OPCML: variants seen among roughly 807,000 people sequenced by gnomAD.
OPCML encodes the protein opioid-binding protein/cell adhesion molecule.
In OPCML, 13 loss-of-function variants were observed where a neutral mutation model predicts 37.8. That is an observed-to-expected ratio of 0.34 (90% CI 0.22 to 0.55). The LOEUF is 0.55. Among genes scored for constraint, OPCML ranks in the 20% least tolerant of loss-of-function variants. The pLI, the probability that OPCML is intolerant of heterozygous loss-of-function variation, is 0.91. For synonymous variants in OPCML, 176 were observed against 168.8 expected (o/e 1.04, Z -0.33); for missense variants, 341 against 435.6 (o/e 0.78, Z 1.93).
intron 2 of OPCML, 30 bp from the exon 3 acceptor site, chr11:132,657,349 G>A: frequency 3.7e-6 from 6 of 1,610,648 alleles, no homozygotes; most frequent in Non-Finnish European, 5.1e-6. Flanking sequence ...GGTGGAGGGA[G>A]GAAGAAGGGA....
intron 1 of OPCML, among the ~76,000 whole-genome samples, chr11:132,976,676 T>C (rs1236154597): frequency 6.6e-6 from 1 of 152,204 alleles, no homozygotes; most frequent in Non-Finnish European, 1.5e-5. Context: ...TCACTTATAA[T>C]AACAGGATAA....
chr11:132,705,659 G>A (rs557743815), intron 2 of OPCML, among the ~76,000 whole-genome samples: 7 of 152,200 alleles, frequency 4.6e-5, no homozygotes, highest in African/African-American at 1.2e-4. Flanking sequence ...TGCTTTTGCC[G>A]TGTGACATGC....
chr11:133,162,262 G>A (rs982332244), intron 1 of OPCML, among the ~76,000 whole-genome samples: 2 of 152,102 alleles, frequency 1.3e-5, no homozygotes, highest in African/African-American at 2.4e-5. Flanking sequence ...TGAAATGGGC[G>A]ATATCCTTTG....
intron 1 of OPCML, among the ~76,000 whole-genome samples, chr11:133,388,924 C>T (rs751133045): frequency 6.6e-6 from 1 of 152,184 alleles, no homozygotes; most frequent in Non-Finnish European, 1.5e-5. Flanking sequence ...TCATTTGGCC[C>T]TCATATTAAG....
intron 2 of OPCML, among the ~76,000 whole-genome samples, chr11:132,769,743 G>A (rs759046432): frequency 6.6e-6 from 1 of 152,098 alleles, no homozygotes; most frequent in Non-Finnish European, 1.5e-5. Flanking sequence ...ATGCTTAAAG[G>A]TCGAAGCACC....
At chr11:133,426,091 T>C (rs978888507) in intron 1 of OPCML, among the ~76,000 whole-genome samples, 37 of 152,286 alleles carry the variant, frequency 2.4e-4, no homozygotes, top group Admixed American at 6.5e-4. Flanking sequence ...TTATTTTCCA[T>C]AGTATAGATT....
intron 3 of OPCML, among the ~76,000 whole-genome samples, chr11:132,576,982 A>G (rs1331232276): frequency 1.3e-5 from 2 of 152,122 alleles, no homozygotes; most frequent in Admixed American, 1.3e-4. Context: ...CCATTCAGGA[A>G]TGCTTGCATG....
intron 1 of OPCML, among the ~76,000 whole-genome samples, chr11:133,458,248 AT>A (rs1946729573): frequency 2.9e-5 from 2 of 68,354 alleles, no homozygotes; most frequent in South Asian, 3.4e-4. Context: ...ATATATACAC[AT>A]ATATATACAC....
chr11:133,278,525 G>A (rs1464275130), intron 1 of OPCML, among the ~76,000 whole-genome samples: 1 of 151,980 alleles, frequency 6.6e-6, no homozygotes, highest in South Asian at 2.1e-4. Flanking sequence ...GTTCTTATGA[G>A]GGAATCTCTG....
chr11:132,766,428 C>T (rs769426781), intron 2 of OPCML, among the ~76,000 whole-genome samples: 2 of 152,212 alleles, frequency 1.3e-5, no homozygotes, highest in African/African-American at 4.8e-5. Context: ...GACATGCCAA[C>T]AGCATGCCCT....
chr11:133,322,874 G>A (rs1251818872), intron 1 of OPCML, among the ~76,000 whole-genome samples: 4 of 152,096 alleles, frequency 2.6e-5, no homozygotes, highest in Admixed American at 6.5e-5. Flanking sequence ...ATATCTGCCC[G>A]ACAAATATTA....
intron 2 of OPCML, among the ~76,000 whole-genome samples, chr11:132,728,526 C>G (rs944233122): frequency 6.6e-6 from 1 of 152,086 alleles, no homozygotes; most frequent in Non-Finnish European, 1.5e-5. Flanking sequence ...TTACTTTTCT[C>G]TCTAGCATTT....
At chr11:132,741,773 T>C (rs920365427) in intron 2 of OPCML, among the ~76,000 whole-genome samples, 1 of 152,112 alleles carries the variant, frequency 6.6e-6, no homozygotes, top group African/African-American at 2.4e-5. Context: ...ATGCATGTAA[T>C]CCCAGCACTT....
At chr11:132,980,282 T>A (rs1266524514) in intron 1 of OPCML, among the ~76,000 whole-genome samples, 2 of 152,214 alleles carry the variant, frequency 1.3e-5, no homozygotes, top group Non-Finnish European at 2.9e-5. Flanking sequence ...AATAAGTAGA[T>A]GTACAATATC....
At chr11:132,542,685 T>C (rs2096359697) in intron 3 of OPCML, among the ~76,000 whole-genome samples, 1 of 152,188 alleles carries the variant, frequency 6.6e-6, no homozygotes, top group Non-Finnish European at 1.5e-5. Flanking sequence ...CAGGTCTCTG[T>C]TGTGTTTTGC....
At chr11:133,231,847 G>C (rs1202335916) in intron 1 of OPCML, among the ~76,000 whole-genome samples, 1 of 152,176 alleles carries the variant, frequency 6.6e-6, no homozygotes, top group East Asian at 1.9e-4. Flanking sequence ...AAAGGAGAAG[G>C]GGCAAGGAAA....
At chr11:133,268,830 T>C (rs995018438) in intron 1 of OPCML, among the ~76,000 whole-genome samples, 2 of 152,214 alleles carry the variant, frequency 1.3e-5, no homozygotes, top group Non-Finnish European at 2.9e-5. Flanking sequence ...TCCTATAACA[T>C]AGAATGAAGT....
At chr11:133,124,062 G>A (rs1345731052) in intron 1 of OPCML, among the ~76,000 whole-genome samples, 3 of 151,928 alleles carry the variant, frequency 2.0e-5, no homozygotes, top group African/African-American at 7.3e-5. Context: ...TGTTATCTAT[G>A]CTTTGCAGGT....
chr11:133,271,199 C>T (rs545656128), intron 1 of OPCML, among the ~76,000 whole-genome samples: 1 of 152,200 alleles, frequency 6.6e-6, no homozygotes, highest in Non-Finnish European at 1.5e-5. Flanking sequence ...TACCTCAAAA[C>T]ATTTTTATAG....
Sources: allele counts gnomAD v4.1 joint callset (sites outside exome capture counted in the v4.1 genomes callset), GRCh38; gene constraint gnomAD v4.1.1; transcripts MANE v1.5; gene names NCBI Gene and HGNC (gene_info 2026-07-23, HGNC 2026-07-21).